Variants in CHSY3 observed in about 807,000 individuals in gnomAD.
The protein encoded by CHSY3 is N-acetylgalactosaminyl-proteoglycan 3-beta-glucuronosyltransferase 3.
CHSY3 carries 35 observed loss-of-function variants against 67.2 expected under a neutral mutation model. The ratio of observed to expected loss-of-function variants is 0.52; its 90% CI spans 0.40 to 0.69. The LOEUF (loss-of-function observed/expected upper bound fraction) is 0.69. Ranked by LOEUF, CHSY3 falls within the 30% of genes least tolerant of loss-of-function variation. The pLI, the probability that CHSY3 is intolerant of heterozygous loss-of-function variation, is 0.00. For missense variants in CHSY3, 1,069 were observed against 1,138.5 expected, an observed-to-expected ratio of 0.94 and a Z score of 0.88; for synonymous variants, 474 against 434.7, an observed-to-expected ratio of 1.09 and a Z score of -1.12.
chr5:130,065,803 T>C (rs1180999180), intron 2 of CHSY3, among the ~76,000 whole-genome samples: 1 of 152,130 alleles, frequency 6.6e-6, no homozygotes, highest in African/African-American at 2.4e-5. Flanking sequence ...TCATCGACTT[T>C]TCCAGTTTGG....
At chr5:129,905,811 T>G (rs892126186) in intron 1 of CHSY3, 180 bp downstream of exon 1, 16 of 1,314,210 alleles carry the variant, frequency 1.2e-5, no homozygotes, top group African/African-American at 1.6e-5. Context: ...AGCCCGTTCC[T>G]CGTCTTCTGC....
chr5:130,016,541 A>G (rs918428931), intron 2 of CHSY3, among the ~76,000 whole-genome samples: 4 of 152,030 alleles, frequency 2.6e-5, no homozygotes, highest in Admixed American at 2.6e-4. Context: ...CCTCCCAAGT[A>G]GCTGAGATTA....
chr5:130,000,049 A>G (rs1441482732), intron 2 of CHSY3, among the ~76,000 whole-genome samples: 2 of 152,218 alleles, frequency 1.3e-5, no homozygotes, highest in Non-Finnish European at 2.9e-5. Flanking sequence ...AGAAACAGCT[A>G]ACTTTGAACA....
Position 129,960,547 on chromosome 5 carries a change from G to A in CHSY3, c.1086+52187G>A, listed in dbSNP as rs189427888. 2.0e-3 allele frequency among the ~76,000 whole-genome samples: 305 copies of A among 151,968 alleles called. 1 individual carries two copies. The highest frequency in any genetic ancestry group is 6.2e-3 in the African/African-American group (256 of 41,524). On this transcript the variant is annotated intron_variant, in intron 2 of 2. Coordinates refer to ENST00000305031, the MANE Select transcript of CHSY3 (RefSeq NM_175856.5). ...CATTTTGGTCATTTTACTTAAATAC[G>A]TGAGAAAACGGAAATTACAAAAAAG... is the stretch of plus-strand genomic sequence containing the variant.
intron 2 of CHSY3, among the ~76,000 whole-genome samples, chr5:130,003,723 T>G (rs1354928633): frequency 1.3e-5 from 2 of 152,158 alleles, no homozygotes; most frequent in African/African-American, 2.4e-5. Context: ...TATAGGCAAT[T>G]TGAGACCCTG....
At chr5:129,947,356 G>A (rs763890994) in intron 2 of CHSY3, among the ~76,000 whole-genome samples, 3 of 152,112 alleles carry the variant, frequency 2.0e-5, no homozygotes, top group Non-Finnish European at 4.4e-5. Context: ...TGGTGCAGTG[G>A]CCCACACCAG....
At chr5:130,163,630 A>G (rs1580792686) in intron 2 of CHSY3, among the ~76,000 whole-genome samples, 1 of 152,150 alleles carries the variant, frequency 6.6e-6, no homozygotes, top group East Asian at 1.9e-4. Flanking sequence ...AAATTTTGCC[A>G]TACTGAATTA....
At chr5:129,973,098 T>C (rs1382974704) in intron 2 of CHSY3, among the ~76,000 whole-genome samples, 2 of 152,088 alleles carry the variant, frequency 1.3e-5, no homozygotes, top group Non-Finnish European at 2.9e-5. Context: ...TTAAATTGCT[T>C]TTTTGTGAGT....
intron 2 of CHSY3, among the ~76,000 whole-genome samples, chr5:129,944,883 T>C (rs1209669621): frequency 6.6e-6 from 1 of 152,152 alleles, no homozygotes; most frequent in Non-Finnish European, 1.5e-5. Flanking sequence ...TTTCACAACG[T>C]ATGTGTTAGT....
chr5:130,081,610 G>A (rs898328470), intron 2 of CHSY3, among the ~76,000 whole-genome samples: 9 of 152,024 alleles, frequency 5.9e-5, no homozygotes, highest in African/African-American at 2.2e-4. Context: ...CCTGGTGAGA[G>A]GTAATTGAAT....
chr5:130,153,788 TG>T (rs1490103314), intron 2 of CHSY3, among the ~76,000 whole-genome samples: 14 of 152,318 alleles, frequency 9.2e-5, no homozygotes, highest in African/African-American at 3.4e-4. Flanking sequence ...TTTATTTACT[TG>T]GTTCATTGTT....
chr5:130,092,077 C>A (rs1168720048), intron 2 of CHSY3, among the ~76,000 whole-genome samples: 1 of 152,050 alleles, frequency 6.6e-6, no homozygotes, highest in Non-Finnish European at 1.5e-5. Context: ...GTTGCTGAGC[C>A]CTCTGAAGGC....
chr5:130,175,837 C>A (rs1403515467), intron 2 of CHSY3, among the ~76,000 whole-genome samples: 1 of 152,040 alleles, frequency 6.6e-6, no homozygotes, highest in African/African-American at 2.4e-5. Context: ...CTTCCTTACA[C>A]CTTATAAATT....
At chr5:129,970,119 A>C (rs1164970914) in intron 2 of CHSY3, among the ~76,000 whole-genome samples, 1 of 151,722 alleles carries the variant, frequency 6.6e-6, no homozygotes, top group East Asian at 1.9e-4. Context: ...TTACTACTAC[A>C]TTTAATGTAG....
chr5:130,172,902 T>G (rs1298732689), intron 2 of CHSY3, among the ~76,000 whole-genome samples: 1 of 152,158 alleles, frequency 6.6e-6, no homozygotes, highest in African/African-American at 2.4e-5. Flanking sequence ...GTCCTCAAGT[T>G]TCATCCATAT....
At chr5:130,100,650 T>C (rs746307662) in intron 2 of CHSY3, among the ~76,000 whole-genome samples, 73 of 152,314 alleles carry the variant, frequency 4.8e-4, no homozygotes, top group South Asian at 1.0e-3. Flanking sequence ...GTAATTATTA[T>C]GTTCCAATTA....
intron 2 of CHSY3, among the ~76,000 whole-genome samples, chr5:130,072,021 C>A (rs555733641): frequency 1.3e-5 from 2 of 151,944 alleles, no homozygotes; most frequent in East Asian, 3.9e-4. Context: ...TGTTTAGATC[C>A]TTTGCCCATT....
chr5:129,927,862 G>A (rs1239583460), intron 2 of CHSY3, among the ~76,000 whole-genome samples: 2 of 151,674 alleles, frequency 1.3e-5, no homozygotes, highest in African/African-American at 4.8e-5. Context: ...CTCCATATTA[G>A]TGTTAAATTC....
chr5:129,932,590 G>T (rs1003467551), intron 2 of CHSY3, among the ~76,000 whole-genome samples: 3 of 151,936 alleles, frequency 2.0e-5, no homozygotes, highest in African/African-American at 7.3e-5. Context: ...ATAACTTTTG[G>T]ATACTAAAGT....
Sources: allele counts gnomAD v4.1 joint callset (sites outside exome capture counted in the v4.1 genomes callset), GRCh38; gene constraint gnomAD v4.1.1; transcripts MANE v1.5; gene names NCBI Gene and HGNC (gene_info 2026-07-23, HGNC 2026-07-21).